GFRA1: variants seen among roughly 807,000 people sequenced by gnomAD.
The protein encoded by GFRA1 is GDNF family receptor alpha-1.
A neutral mutation model predicts 51.6 loss-of-function variants in GFRA1; 16 were observed. The observed-to-expected ratio is 0.31, with a 90% CI of 0.21 to 0.47. The LOEUF (loss-of-function observed/expected upper bound fraction) is 0.47, where lower values mean the gene tolerates loss of function less well. Among genes scored for constraint, GFRA1 ranks in the 20% least tolerant of loss-of-function variants. GFRA1 has a pLI of 1.00. For missense variants in GFRA1, 530 were observed against 594.3 expected (o/e 0.89, Z 1.13); for synonymous variants, 270 against 241.3 (o/e 1.12, Z -1.10).
At chr10:116,126,267 G>A (rs1483388244) in intron 5 of GFRA1, among the ~76,000 whole-genome samples, 1 of 152,244 alleles carries the variant, frequency 6.6e-6, no homozygotes, top group African/African-American at 2.4e-5. Context: ...CTTGTATTTT[G>A]AATAGAATTT....
intron 6 of GFRA1, among the ~76,000 whole-genome samples, chr10:116,117,247 T>C (rs1016262426): frequency 2.2e-4 from 33 of 152,272 alleles, no homozygotes; most frequent in African/African-American, 7.2e-4. Context: ...TTTCTTTTTT[T>C]ACTTCCTATG....
At chr10:116,198,053 C>T (rs530164466) in intron 5 of GFRA1, among the ~76,000 whole-genome samples, 46 of 152,288 alleles carry the variant, frequency 3.0e-4, no homozygotes, top group African/African-American at 1.0e-3. Flanking sequence ...GCATTAACTC[C>T]TCCTCTGCAA....
chr10:116,235,844 G>A (rs567898534), intron 4 of GFRA1, among the ~76,000 whole-genome samples: 1 of 152,292 alleles, frequency 6.6e-6, no homozygotes, highest in Non-Finnish European at 1.5e-5. Flanking sequence ...TGAGCACACA[G>A]CAAGATGGTG....
chr10:116,219,510 C>T (rs1036382166), intron 4 of GFRA1, among the ~76,000 whole-genome samples: 5 of 152,074 alleles, frequency 3.3e-5, no homozygotes, highest in African/African-American at 9.7e-5. Flanking sequence ...ATATTAAAAT[C>T]GATCCCTCTA....
chr10:116,198,191 C>A (rs975452822), intron 5 of GFRA1, among the ~76,000 whole-genome samples: 4 of 152,010 alleles, frequency 2.6e-5, no homozygotes, highest in African/African-American at 9.7e-5. Context: ...CTCCCCAACG[C>A]CCCCACACGA....
At chr10:116,117,494 T>C (rs1957455700) in intron 6 of GFRA1, among the ~76,000 whole-genome samples, 1 of 138,606 alleles carries the variant, frequency 7.2e-6, no homozygotes, top group South Asian at 2.5e-4. Flanking sequence ...AATATCAGGT[T>C]GTTATTCCTG....
chr10:116,249,631 C>A (rs1968152211), intron 4 of GFRA1, among the ~76,000 whole-genome samples: 1 of 152,196 alleles, frequency 6.6e-6, no homozygotes, highest in Non-Finnish European at 1.5e-5. Flanking sequence ...CTCTGCCCTG[C>A]TTCAACTAAG....
At chr10:116,120,830 C>T (rs1387371605) in intron 6 of GFRA1, among the ~76,000 whole-genome samples, 3 of 152,162 alleles carry the variant, frequency 2.0e-5, no homozygotes, top group African/African-American at 7.2e-5. Context: ...GCTGCACGTG[C>T]TGAATGCCCC....
Position 116,065,616 on chromosome 10 carries a change from A to G in GFRA1, c.1208T>C (p.Leu403Pro), listed in dbSNP as rs774676790. 6 of 1,613,174 alleles carry G rather than the reference A, an allele frequency of 3.7e-6. No individual in the cohort carries two copies. Among genetic ancestry groups the G allele is most frequent in the Non-Finnish European group, 5.1e-6 (6 of 1,179,414 alleles). ...TGTATTGCCCGACACATTGGATTTC[A>G]GCTTCTGTGCCTGGAGAGGGACAAG... ...PPCANLQAQK[L>P]KSNVSGNTHL... The change falls in exon 10 of 11, where the codon CTG becomes CCG. Residue 403 changes from leucine to proline, a missense_variant. By Grantham distance (98) the Leu-to-Pro change is moderately conservative. Transcript: ENST00000355422.
chr10:116,209,618 T>C (rs981385963), intron 5 of GFRA1, among the ~76,000 whole-genome samples: 2 of 151,992 alleles, frequency 1.3e-5, no homozygotes, highest in African/African-American at 4.8e-5. Flanking sequence ...TGCTTGTTGA[T>C]TTCTAGCACA....
chr10:116,210,625 T>C (rs931555868), intron 5 of GFRA1, among the ~76,000 whole-genome samples: 3 of 152,226 alleles, frequency 2.0e-5, no homozygotes, highest in Non-Finnish European at 4.4e-5. Context: ...CCCTCATTGT[T>C]ATCCACAACT....
At chr10:116,184,938 A>G (rs576004392) in intron 5 of GFRA1, among the ~76,000 whole-genome samples, 1 of 152,272 alleles carries the variant, frequency 6.6e-6, no homozygotes, top group African/African-American at 2.4e-5. Context: ...GTAGCTCCAG[A>G]GGTGGCATCA....
In GFRA1 at chr10:116,272,434, GGGCCGCTGACAC is replaced by G. The variant is rs1397559909; in HGVS notation, c.-246-171_-246-160del. 1 of 316,294 alleles carries G rather than the reference GGGCCGCTGACAC, an allele frequency of 3.2e-6. No homozygotes were observed. Among genetic ancestry groups the G allele is most frequent in the African/African-American group, 2.1e-5 (1 of 47,110 alleles). The allele number at this position is 316,294 out of a possible 1,614,324, so 19.6% of individuals were successfully genotyped here. On this transcript the variant is annotated intron_variant, in intron 1 of 10. Transcript: ENST00000355422. This position sits in a 1 kb window ranked among gnomAD's most constrained non-coding sequence, Gnocchi z 4.4. Reference sequence around the variant, plus strand: ...CGGGGTGCATGTGCGTGTTTTCCAGGGGCCGCTGACACGGGGATGGAGGTGAGGGCTGGAGAG... The same window carrying G: ...CGGGGTGCATGTGCGTGTTTTCCAGGGGGGATGGAGGTGAGGGCTGGAGAG...
intron 5 of GFRA1, among the ~76,000 whole-genome samples, chr10:116,191,205 C>A (rs937530624): frequency 6.6e-6 from 1 of 152,192 alleles, no homozygotes; most frequent in Admixed American, 6.5e-5. Context: ...ACCCACAGTA[C>A]TAGTTATGCT....
intron 5 of GFRA1, among the ~76,000 whole-genome samples, chr10:116,189,558 CTT>C (rs1565637920): frequency 6.6e-6 from 1 of 152,160 alleles, no homozygotes; most frequent in African/African-American, 2.4e-5. Context: ...AATGAACTAT[CTT>C]AAGTTTAATT....
chr10:116,068,808 C>T (rs923456103), intron 9 of GFRA1, among the ~76,000 whole-genome samples: 2 of 152,078 alleles, frequency 1.3e-5, no homozygotes, highest in East Asian at 3.9e-4. Context: ...TAAATGCAAA[C>T]AGATAAAATT....
At chr10:116,176,008 C>T (rs1026355822) in intron 5 of GFRA1, among the ~76,000 whole-genome samples, 4 of 152,122 alleles carry the variant, frequency 2.6e-5, no homozygotes, top group South Asian at 2.1e-4. Flanking sequence ...GCAGGCTGAT[C>T]GTTTCCGCCA....
chr10:116,121,933 G>T (rs1957663387), intron 6 of GFRA1, among the ~76,000 whole-genome samples: 1 of 152,126 alleles, frequency 6.6e-6, no homozygotes, highest in Admixed American at 6.5e-5. Flanking sequence ...TTAAAGACAA[G>T]AGTAATAAAA....
intron 4 of GFRA1, among the ~76,000 whole-genome samples, chr10:116,248,515 C>T (rs563645828): frequency 6.6e-6 from 1 of 152,338 alleles, no homozygotes; most frequent in South Asian, 2.1e-4. Flanking sequence ...CCTCAGGCTT[C>T]TTCCAGTTCC....
Sources: gnomAD v4.1 joint callset for allele counts (sites outside exome capture counted in the v4.1 genomes callset) on GRCh38, gnomAD v4.1.1 for gene constraint, Gnocchi (gnomAD v3.1) non-coding constraint, MANE v1.5 for transcripts, NCBI Gene and HGNC (gene_info 2026-07-23, HGNC 2026-07-21) for gene names.